GPD2: variants seen among roughly 807,000 people sequenced by gnomAD.
GPD2 encodes the protein glycerol-3-phosphate dehydrogenase, mitochondrial.
In GPD2, 54 loss-of-function variants were observed where a neutral mutation model predicts 82.4. The ratio of observed to expected loss-of-function variants is 0.66; its 90% CI spans 0.53 to 0.82. The LOEUF is 0.82. Among genes scored for constraint, GPD2 ranks in the 40% least tolerant of loss-of-function variants. The probability of loss-of-function intolerance (pLI) is 0.00; values close to 1 mark genes in which losing one functional copy is unlikely to be tolerated. For synonymous variants in GPD2, 288 were observed against 306.1 expected (o/e 0.94, Z 0.62); for missense variants, 748 against 896.2 (o/e 0.83, Z 2.11).
At chr2:156,564,338 C>G (rs1687286642) in intron 9 of GPD2, among the ~76,000 whole-genome samples, 1 of 152,154 alleles carries the variant, frequency 6.6e-6, no homozygotes, top group Non-Finnish European at 1.5e-5. Context: ...CCCAATGATA[C>G]TTTATTCAGA....
chr2:156,581,622 C>G (rs541368754), intron 16 of GPD2, among the ~76,000 whole-genome samples: 23 of 151,988 alleles, frequency 1.5e-4, no homozygotes, highest in African/African-American at 4.8e-4. Context: ...CATGTTTATC[C>G]CATTAAATAT....
the GPD2 span, among the ~76,000 whole-genome samples, chr2:156,408,892 A>C: frequency 2.7e-3 from 417 of 152,244 alleles, 2 homozygotes; most frequent in Non-Finnish European, 5.0e-3. Flanking sequence ...TAACCCCTCG[A>C]AATATGACCT....
intron 9 of GPD2, among the ~76,000 whole-genome samples, chr2:156,564,106 G>T (rs981927742): frequency 1.3e-5 from 2 of 151,972 alleles, no homozygotes; most frequent in Non-Finnish European, 2.9e-5. Context: ...TTGAATTTGG[G>T]TTTTTTTGTT....
intron 6 of GPD2, among the ~76,000 whole-genome samples, chr2:156,523,565 A>T (rs983114809): frequency 2.6e-5 from 4 of 152,078 alleles, no homozygotes; most frequent in African/African-American, 9.7e-5. Flanking sequence ...CCCACTCCCC[A>T]CTATAACAAA....
chr2:156,436,480 C>G lies in GPD2; in HGVS notation c.-42C>G, dbSNP rs1271560597. On this transcript the variant is annotated 5_prime_UTR_variant, in exon 1 of 17. Coordinates refer to ENST00000438166, the MANE Select transcript of GPD2 (RefSeq NM_000408.5). ...GGCTGGAGGAACTGGGTGCTCCTGC[C>G]CGCTGGCCCCTCGCGCGTGAGGATC... 6 of 152,334 alleles carry G rather than the reference C, an allele frequency of 3.9e-5. No homozygotes were observed. Among genetic ancestry groups the G allele is most frequent in the Non-Finnish European group, 8.8e-5 (6 of 68,164 alleles). The allele number at this position is 152,334 out of a possible 1,614,324, so 9.4% of individuals were successfully genotyped here.
chr2:156,568,885 A>G lies in GPD2; in HGVS notation c.1226A>G (p.Lys409Arg), dbSNP rs1329600751. Residue 409 changes from lysine (K) to arginine (R), a missense_variant, in exon 10 of 17, where the codon AAA becomes AGA. Around this residue, in one of 3 missense-constraint regions of GPD2, gnomAD observed 692 missense variants for 809.7 expected, o/e 0.85. Transcript: ENST00000438166. ...SGIRPLVTDP[K>R]SADTQSISRN... ...ATCCGTCCTCTTGTTACAGACCCCA[A>G]ATCTGCAGATACTCAGTCTATCTCC... 2 of 1,612,298 alleles carry G rather than the reference A, an allele frequency of 1.2e-6. No homozygotes were observed. The highest frequency in any genetic ancestry group is 2.2e-5 in the South Asian group (2 of 91,030).
intron 13 of GPD2, among the ~76,000 whole-genome samples, chr2:156,576,697 A>G (rs962366648): frequency 5.9e-5 from 9 of 152,238 alleles, no homozygotes; most frequent in Non-Finnish European, 8.8e-5. Flanking sequence ...TAAGGGAAGT[A>G]CATTGAGTAC....
chr2:156,536,356 G>A (rs543291976), intron 6 of GPD2, among the ~76,000 whole-genome samples: 1 of 152,296 alleles, frequency 6.6e-6, no homozygotes, highest in East Asian at 1.9e-4. Context: ...TATAGTCTGA[G>A]TCTTTGATTC....
At chr2:156,401,091 T>G in the GPD2 span, among the ~76,000 whole-genome samples, 2 of 152,230 alleles carry the variant, frequency 1.3e-5, no homozygotes, top group Admixed American at 1.3e-4. Flanking sequence ...GCCCTGTTAT[T>G]GAACTTTGAG....
Position 156,579,720 on chromosome 2 carries a change from C to T in GPD2, c.1990C>T (p.Leu664Phe), listed in dbSNP as rs777729776. 1.3e-6 allele frequency: 2 copies of T among 1,521,768 alleles called. No individual in the cohort carries two copies. Among genetic ancestry groups the T allele is most frequent in the Non-Finnish European group, 1.8e-6 (2 of 1,095,826 alleles). The allele number at this position is 1,521,768 out of a possible 1,614,324, so 94.3% of individuals were successfully genotyped here. A position where few individuals can be genotyped will look rare whatever the true frequency, so the allele number is the denominator to read the frequency against. ...CAATGTCCAAATGGATGAAAATACA[C>T]TCCATGAAATTCTAAATGAAGTTGA... ...SINVQMDENT[L>F]HEILNEVDLN... Residue 664 changes from leucine to phenylalanine, a missense_variant, in exon 16 of 17, where the codon CTC becomes TTC. Coordinates refer to ENST00000438166, the MANE Select transcript of GPD2 (RefSeq NM_000408.5).
At chr2:156,502,198 A>G (rs921881228) in intron 3 of GPD2, among the ~76,000 whole-genome samples, 1 of 152,122 alleles carries the variant, frequency 6.6e-6, no homozygotes, top group Non-Finnish European at 1.5e-5. Flanking sequence ...ACTTTAAAAC[A>G]TCATAAAACT....
At chr2:156,411,223 T>G in the GPD2 span, among the ~76,000 whole-genome samples, 2 of 152,170 alleles carry the variant, frequency 1.3e-5, no homozygotes, top group Non-Finnish European at 2.9e-5. Context: ...AGAGCTTATG[T>G]TCTTAACAAC....
intron 6 of GPD2, among the ~76,000 whole-genome samples, chr2:156,530,407 C>T (rs1442885661): frequency 4.6e-5 from 7 of 150,786 alleles, no homozygotes; most frequent in African/African-American, 9.8e-5. Context: ...CTTTTCCTAA[C>T]TGAATACCCT....
At chr2:156,578,197 G>A (rs1687893819) in intron 13 of GPD2, among the ~76,000 whole-genome samples, 1 of 152,130 alleles carries the variant, frequency 6.6e-6, no homozygotes, top group African/African-American at 2.4e-5. Flanking sequence ...AACAGGAAGA[G>A]TAACTTGAGG....
intron 1 of GPD2, among the ~76,000 whole-genome samples, chr2:156,438,918 G>A (rs1490893355): frequency 6.6e-6 from 1 of 152,220 alleles, no homozygotes; most frequent in African/African-American, 2.4e-5. Flanking sequence ...GTAGGATGTT[G>A]GCCAGAACTG....
chr2:156,457,666 G>T (rs1682832698), intron 1 of GPD2, among the ~76,000 whole-genome samples: 1 of 152,226 alleles, frequency 6.6e-6, no homozygotes, highest in Non-Finnish European at 1.5e-5. Context: ...GTACTTGGTT[G>T]TTCAGAACAA....
chr2:156,528,524 G>C (rs1239530440), intron 6 of GPD2, among the ~76,000 whole-genome samples: 1 of 150,900 alleles, frequency 6.6e-6, no homozygotes, highest in Non-Finnish European at 1.5e-5. Flanking sequence ...TGCCATGCTA[G>C]TGCGCTGCAC....
At chr2:156,569,337 T>G in intron 10 of GPD2, 26 bp from the exon 11 acceptor site, 1 of 1,534,722 alleles carries the variant, frequency 6.5e-7, no homozygotes, top group Admixed American at 1.7e-5. Context: ...GGCAACCTGA[T>G]GAATTGTCTA....
intron 3 of GPD2, among the ~76,000 whole-genome samples, chr2:156,507,909 C>T (rs996101638): frequency 2.6e-5 from 4 of 152,208 alleles, no homozygotes; most frequent in South Asian, 2.1e-4. Context: ...TGGGCTTTGT[C>T]GATGATCTTT....
Sources: gnomAD v4.1 joint callset for allele counts (sites outside exome capture counted in the v4.1 genomes callset) on GRCh38, gnomAD v4.1.1 for gene constraint, gnomAD v4.1.1 regional missense constraint, MANE v1.5 for transcripts, NCBI Gene and HGNC (gene_info 2026-07-23, HGNC 2026-07-21) for gene names.